Variants in MYOF observed in about 807,000 individuals in gnomAD.
MYOF encodes fer-1-like 3, myoferlin.
In MYOF, 244 loss-of-function variants were observed where a neutral mutation model predicts 284.2. The ratio of observed to expected loss-of-function variants is 0.86; its 90% CI spans 0.77 to 0.95. MYOF has a LOEUF of 0.95. Ranked by LOEUF, MYOF falls within the 40% of genes least tolerant of loss-of-function variation. The probability of loss-of-function intolerance (pLI) is 0.00; values close to 1 mark genes in which losing one functional copy is unlikely to be tolerated. For missense variants in MYOF, 2,496 were observed against 2,560.6 expected, an observed-to-expected ratio of 0.97 and a Z score of 0.54; for synonymous variants, 904 against 919.7, an observed-to-expected ratio of 0.98 and a Z score of 0.31.
At chr10:93,398,932 G>A (rs1328013183) in intron 13 of MYOF, among the ~76,000 whole-genome samples, 1 of 152,072 alleles carries the variant, frequency 6.6e-6, no homozygotes, top group Non-Finnish European at 1.5e-5. Context: ...ATATTTTCAG[G>A]GGAGTGGGAT....
chr10:93,405,820 C>T (rs1223265650), intron 7 of MYOF, among the ~76,000 whole-genome samples: 6 of 114,000 alleles, frequency 5.3e-5, no homozygotes, highest in South Asian at 2.9e-4. Context: ...TTTTTTTTGA[C>T]GGAGTCTCTC....
chr10:93,323,447 ATTTC>A (rs148815470), intron 46 of MYOF, 89 bp from the exon 47 acceptor site: 828,128 of 1,038,064 alleles, frequency 0.8, 333,986 homozygotes, highest in East Asian at 0.9. Context: ...AGATGAAACT[ATTTC>A]TTTCTTTGGT....
intron 4 of MYOF, among the ~76,000 whole-genome samples, chr10:93,427,507 C>T (rs1298118056): frequency 1.7e-5 from 2 of 117,702 alleles, no homozygotes; most frequent in Non-Finnish European, 3.2e-5. Context: ...CTCCAGCCTG[C>T]GTGACAGAGC....
intron 37 of MYOF, 106 bp from the exon 38 acceptor site, chr10:93,344,038 A>G (rs1844057046): frequency 1.7e-6 from 2 of 1,178,558 alleles, no homozygotes; most frequent in Non-Finnish European, 2.5e-6. Context: ...GGTAGAGTTT[A>G]TTCTTGGATG....
chr10:93,454,986 T>TAAAA (rs1564732516), intron 2 of MYOF, among the ~76,000 whole-genome samples: 2 of 84,586 alleles, frequency 2.4e-5, no homozygotes, highest in Non-Finnish European at 4.4e-5. Flanking sequence ...CTTTTTTTAA[T>TAAAA]TAAAAAAAAA....
At chr10:93,451,927 G>A in intron 3 of MYOF, 123 bp downstream of exon 3, 2 of 767,458 alleles carry the variant, frequency 2.6e-6, no homozygotes, top group South Asian at 1.7e-5. Flanking sequence ...GCGGGGCATG[G>A]AATTAAAGCA....
chr10:93,352,958 C>T (rs1311166341), intron 32 of MYOF, among the ~76,000 whole-genome samples: 5 of 152,148 alleles, frequency 3.3e-5, no homozygotes, highest in Admixed American at 3.3e-4. Context: ...AATATTAGTG[C>T]TTGGAACACG....
intron 4 of MYOF, among the ~76,000 whole-genome samples, chr10:93,429,939 A>ATTT (rs373810655): frequency 0.13 from 18,873 of 145,506 alleles, 1,259 homozygotes; most frequent in Middle Eastern, 0.19. Flanking sequence ...TATTTTTTTA[A>ATTT]TTTTTTTTTT....
chr10:93,469,113 C>T (rs1589616025), intron 1 of MYOF, among the ~76,000 whole-genome samples: 1 of 152,074 alleles, frequency 6.6e-6, no homozygotes, highest in African/African-American at 2.4e-5. Context: ...AAGATTATAC[C>T]CATGAGCCAG....
chr10:93,377,579 C>T, intron 21 of MYOF, 150 bp from the exon 22 acceptor site: 1 of 619,386 alleles, frequency 1.6e-6, no homozygotes, highest in Admixed American at 2.9e-5. Flanking sequence ...GAGAGGGAAC[C>T]CTAAAGTGGA....
intron 53 of MYOF, among the ~76,000 whole-genome samples, chr10:93,309,732 A>T (rs1842300086): frequency 6.6e-6 from 1 of 152,232 alleles, no homozygotes; most frequent in Non-Finnish European, 1.5e-5. Flanking sequence ...CGCTGGCCAT[A>T]GTCCAGACAC....
At chr10:93,312,760 G>A (rs890876035) in intron 51 of MYOF, among the ~76,000 whole-genome samples, 1 of 151,980 alleles carries the variant, frequency 6.6e-6, no homozygotes, top group Admixed American at 6.6e-5. Flanking sequence ...AAAATATAGT[G>A]AAACCACCTG....
chr10:93,465,258 A>T (rs1564739837), intron 1 of MYOF, among the ~76,000 whole-genome samples: 1 of 152,220 alleles, frequency 6.6e-6, no homozygotes, highest in Non-Finnish European at 1.5e-5. Flanking sequence ...AAGTTGGAGG[A>T]TTAAGACAAG....
chr10:93,410,581 A>G (rs1847860900), intron 5 of MYOF, among the ~76,000 whole-genome samples: 1 of 152,162 alleles, frequency 6.6e-6, no homozygotes, highest in Non-Finnish European at 1.5e-5. Flanking sequence ...CTACAAAACC[A>G]AAAACCAAAA....
intron 5 of MYOF, among the ~76,000 whole-genome samples, chr10:93,414,062 A>G (rs1400930895): frequency 6.6e-6 from 1 of 152,182 alleles, no homozygotes; most frequent in Non-Finnish European, 1.5e-5. Flanking sequence ...ACAAGTATAA[A>G]ATCAAGATGT....
intron 17 of MYOF, among the ~76,000 whole-genome samples, chr10:93,391,065 C>T (rs888105486): frequency 6.6e-6 from 1 of 152,212 alleles, no homozygotes; most frequent in Non-Finnish European, 1.5e-5. Flanking sequence ...ACCTGGTTCC[C>T]TTGAATGACT....
At chr10:93,361,198 A>C (rs1294510497) in intron 28 of MYOF, among the ~76,000 whole-genome samples, 1 of 152,178 alleles carries the variant, frequency 6.6e-6, no homozygotes, top group Non-Finnish European at 1.5e-5. Flanking sequence ...TCGCACTCTT[A>C]GGAGAATCTA....
intron 32 of MYOF, 25 bp from the exon 33 acceptor site, chr10:93,351,871 A>G: frequency 1.3e-6 from 2 of 1,562,490 alleles, no homozygotes; most frequent in East Asian, 2.3e-5. Context: ...GAGAATAACA[A>G]CGGGGCCACG....
chr10:93,470,066 T>C (rs1415034133), intron 1 of MYOF, among the ~76,000 whole-genome samples: 1 of 151,392 alleles, frequency 6.6e-6, no homozygotes, highest in Non-Finnish European at 1.5e-5. Context: ...CAGTCTCTGC[T>C]AAAAAAACAA....
Sources: gnomAD v4.1 joint callset for allele counts (sites outside exome capture counted in the v4.1 genomes callset) on GRCh38, gnomAD v4.1.1 for gene constraint, MANE v1.5 for transcripts, NCBI Gene and HGNC (gene_info 2026-07-23, HGNC 2026-07-21) for gene names.